Variants in JARID2 observed in about 807,000 individuals in gnomAD.
The protein encoded by JARID2 is jumonji and AT-rich interaction domain containing 2.
JARID2 carries 21 observed loss-of-function variants against 125.6 expected under a neutral mutation model. The ratio of observed to expected loss-of-function variants is 0.17; its 90% CI spans 0.12 to 0.24. The LOEUF is 0.24. Ranked by LOEUF, JARID2 falls within the 10% of genes least tolerant of loss-of-function variation. JARID2 has a pLI of 1.00. For missense variants in JARID2, 1,303 were observed against 1,639.6 expected (o/e 0.79, Z 3.55); for synonymous variants, 736 against 661.6 (o/e 1.11, Z -1.73).
At chr6:15,385,661 GTGTTGTGTGAATGAGCATGCAGAC>G (rs1764758110) in intron 2 of JARID2, among the ~76,000 whole-genome samples, 1 of 152,106 alleles carries the variant, frequency 6.6e-6, no homozygotes, top group African/African-American at 2.4e-5. Context: ...TCCGAAGTCT[GTGTTGTGTGAATGAGCATGCAGAC>G]GGCTCAGTGG....
chr6:15,486,879 T>C (rs1769895447), intron 5 of JARID2, among the ~76,000 whole-genome samples: 1 of 141,580 alleles, frequency 7.1e-6, no homozygotes, highest in Admixed American at 7.9e-5. Flanking sequence ...CTTCAGGGAG[T>C]AGAGGTGTAT....
At chr6:15,426,954 T>C (rs1257719510) in intron 3 of JARID2, among the ~76,000 whole-genome samples, 1 of 152,192 alleles carries the variant, frequency 6.6e-6, no homozygotes, top group Non-Finnish European at 1.5e-5. Context: ...CACCTTGATA[T>C]ATTTGGAGTA....
At chr6:15,416,569 T>G (rs971523026) in intron 3 of JARID2, among the ~76,000 whole-genome samples, 1 of 152,108 alleles carries the variant, frequency 6.6e-6, no homozygotes, top group East Asian at 1.9e-4. Context: ...GCGCCTGCAA[T>G]GGCAGGCACT....
At chr6:15,393,707 G>A (rs917856626) in intron 2 of JARID2, among the ~76,000 whole-genome samples, 2 of 152,172 alleles carry the variant, frequency 1.3e-5, no homozygotes, top group Non-Finnish European at 2.9e-5. Context: ...GAATATACAC[G>A]AAATTGTTAA....
intron 1 of JARID2, among the ~76,000 whole-genome samples, chr6:15,250,510 G>GTGTGTTA (rs1759404122): frequency 6.6e-6 from 1 of 152,114 alleles, no homozygotes; most frequent in Non-Finnish European, 1.5e-5. Flanking sequence ...TAGGTGCAGG[G>GTGTGTTA]CAGTGGCAGT....
At chr6:15,436,172 C>A (rs1014963412) in intron 3 of JARID2, among the ~76,000 whole-genome samples, 3 of 152,176 alleles carry the variant, frequency 2.0e-5, no homozygotes, top group African/African-American at 7.2e-5. Flanking sequence ...GACTCCCTTC[C>A]TTGAGGACAG....
intron 1 of JARID2, among the ~76,000 whole-genome samples, chr6:15,348,378 C>T (rs62395380): frequency 0.086 from 13,038 of 152,246 alleles, 660 homozygotes; most frequent in South Asian, 0.15. Context: ...GCGTGAGCCA[C>T]GGCACCTGGC....
intron 4 of JARID2, among the ~76,000 whole-genome samples, chr6:15,460,462 C>G (rs1768389887): frequency 6.6e-6 from 1 of 152,170 alleles, no homozygotes; most frequent in South Asian, 2.1e-4. Flanking sequence ...TTTCTGAAAT[C>G]CACTTAGAGA....
chr6:15,374,944 GA>G (rs1359933365), intron 2 of JARID2, among the ~76,000 whole-genome samples: 1 of 152,212 alleles, frequency 6.6e-6, no homozygotes, highest in Non-Finnish European at 1.5e-5. Flanking sequence ...TACTTATCAG[GA>G]TTACAGTTAA....
At chr6:15,489,761 C>G (rs1167796783) in intron 6 of JARID2, among the ~76,000 whole-genome samples, 1 of 152,222 alleles carries the variant, frequency 6.6e-6, no homozygotes, top group East Asian at 1.9e-4. Context: ...GGAGTTTCAG[C>G]TGCTTCCGGG....
chr6:15,267,966 C>T (rs528840479), intron 1 of JARID2, among the ~76,000 whole-genome samples: 2 of 152,078 alleles, frequency 1.3e-5, no homozygotes, highest in Admixed American at 6.5e-5. Flanking sequence ...GGCTTAACTG[C>T]GGCGGGGATC....
chr6:15,390,419 A>T (rs1473786697), intron 2 of JARID2, among the ~76,000 whole-genome samples: 1 of 152,074 alleles, frequency 6.6e-6, no homozygotes, highest in East Asian at 1.9e-4. Flanking sequence ...AGCTCTGTCC[A>T]CGTTGTGCAG....
chr6:15,472,319 G>T (rs1275516778), intron 5 of JARID2, among the ~76,000 whole-genome samples: 1 of 152,018 alleles, frequency 6.6e-6, no homozygotes. Flanking sequence ...TCAGATAGAG[G>T]AGCTGCAGGA....
intron 6 of JARID2, among the ~76,000 whole-genome samples, chr6:15,487,899 G>A (rs981817067): frequency 1.3e-5 from 2 of 149,160 alleles, no homozygotes; most frequent in Admixed American, 6.7e-5. Context: ...CCTGCAAATG[G>A]GATAGTTCTG....
intron 3 of JARID2, among the ~76,000 whole-genome samples, chr6:15,430,093 T>A (rs181480122): frequency 1.2e-4 from 19 of 152,370 alleles, no homozygotes; most frequent in African/African-American, 4.6e-4. Flanking sequence ...TAACTCCAGC[T>A]TTCTGGACTC....
chr6:15,424,452 A>G (rs1441683740), intron 3 of JARID2, among the ~76,000 whole-genome samples: 1 of 152,234 alleles, frequency 6.6e-6, no homozygotes, highest in Non-Finnish European at 1.5e-5. Context: ...AAAATTTATG[A>G]TTATAGATTC....
At chr6:15,334,609 G>T (rs1036756504) in intron 1 of JARID2, among the ~76,000 whole-genome samples, 18 of 152,000 alleles carry the variant, frequency 1.2e-4, no homozygotes, top group Non-Finnish European at 1.0e-4. Flanking sequence ...TTGCGCTTTG[G>T]GGTACCAGCT....
chr6:15,282,971 A>AT (rs994935210), intron 1 of JARID2, among the ~76,000 whole-genome samples: 10 of 149,412 alleles, frequency 6.7e-5, no homozygotes, highest in South Asian at 2.1e-4. Context: ...CTATCTATCT[A>AT]TTTTTTTATT....
At chr6:15,437,295 G>A (rs1439453189) in intron 3 of JARID2, among the ~76,000 whole-genome samples, 1 of 152,262 alleles carries the variant, frequency 6.6e-6, no homozygotes, top group East Asian at 1.9e-4. Context: ...GAAACCTAAG[G>A]CTTCCTGTTC....
Sources: allele counts gnomAD v4.1 joint callset (sites outside exome capture counted in the v4.1 genomes callset), GRCh38; gene constraint gnomAD v4.1.1; transcripts MANE v1.5; gene names NCBI Gene and HGNC (gene_info 2026-07-23, HGNC 2026-07-21).